Variants in CDH13 observed in about 807,000 individuals in gnomAD.
CDH13 encodes the protein cadherin-13.
Under a neutral mutation model 63.8 loss-of-function variants are expected in CDH13, and 24 were observed. That is an observed-to-expected ratio of 0.38 (90% confidence interval 0.27 to 0.53). The LOEUF (loss-of-function observed/expected upper bound fraction) is 0.53, where lower values mean the gene tolerates loss of function less well. CDH13 is among the 20% of genes least tolerant of loss of function. The pLI is 0.85. For synonymous variants in CDH13, 503 were observed against 355.3 expected, an observed-to-expected ratio of 1.42 and a Z score of -4.67; for missense variants, 1,049 against 903.1, an observed-to-expected ratio of 1.16 and a Z score of -2.07.
chr16:82,842,141 C>CAT (rs1170008694), intron 1 of CDH13, among the ~76,000 whole-genome samples: 2 of 62,336 alleles, frequency 3.2e-5, no homozygotes, highest in African/African-American at 1.0e-4. Flanking sequence ...TATATATACA[C>CAT]ATATATATAT....
At chr16:83,520,243 T>G (rs1184347301) in intron 7 of CDH13, among the ~76,000 whole-genome samples, 1 of 152,150 alleles carries the variant, frequency 6.6e-6, no homozygotes, top group African/African-American at 2.4e-5. Flanking sequence ...AGGCTCTAAG[T>G]GGAGCAAAAG....
chr16:83,637,271 C>G (rs1304626944), intron 8 of CDH13, among the ~76,000 whole-genome samples: 2 of 103,438 alleles, frequency 1.9e-5, no homozygotes, highest in Non-Finnish European at 3.8e-5. Context: ...CCAAGATGGC[C>G]GAATAGGAAC....
Position 82,858,353 on chromosome 16 carries a change from T to A in CDH13, c.46-9T>A, listed in dbSNP as rs568704225. The A allele has an allele frequency of 3.1e-6, 5 of 1,598,042 alleles. No individual in the cohort carries two copies. The African/African-American group carries it at 5.4e-5, about 17-fold the overall frequency. ...GCTATTAAAATATTGATGGCTTTGG[T>A]TTTCTCAGGTGCTGCTGCTAACATC... On this transcript the variant is annotated splice_polypyrimidine_tract_variant and intron_variant, in intron 1 of 13. Coordinates refer to ENST00000567109, the MANE Select transcript of CDH13 (RefSeq NM_001257.5).
intron 8 of CDH13, chr16:83,654,784 A>T (rs906413154): frequency 6.6e-6 from 1 of 152,166 alleles, no homozygotes; most frequent in African/African-American, 2.4e-5. Context: ...CTACGGGTTA[A>T]TGGATGCTGC....
chr16:83,685,369 T>G (rs1017459544), intron 10 of CDH13, among the ~76,000 whole-genome samples: 1 of 152,090 alleles, frequency 6.6e-6, no homozygotes, highest in African/African-American at 2.4e-5. Flanking sequence ...CAGGGTACAT[T>G]TTAAAAGGGA....
intron 5 of CDH13, among the ~76,000 whole-genome samples, chr16:83,273,737 C>A (rs78928141): frequency 6.6e-6 from 1 of 152,012 alleles, no homozygotes. Flanking sequence ...TTGTGGTTTC[C>A]GTGGGAGGGG....
chr16:82,781,875 G>A (rs1217242408), intron 1 of CDH13, among the ~76,000 whole-genome samples: 1 of 152,300 alleles, frequency 6.6e-6, no homozygotes, highest in East Asian at 1.9e-4. Context: ...ACAACAGTGT[G>A]CTCAGTGCAC....
chr16:83,329,772 A>G (rs527445375), intron 5 of CDH13, among the ~76,000 whole-genome samples: 5 of 152,306 alleles, frequency 3.3e-5, no homozygotes, highest in African/African-American at 1.2e-4. Flanking sequence ...GGAATCACAC[A>G]GTATTTGTCT....
In CDH13 at chr16:83,364,754, G is replaced by T. The variant is rs74034198; in HGVS notation, c.781+19748G>T. ...ACAGAAACAATGGGAAGAGAGTGTG[G>T]GTTGGAGGAGGCAGACAGAAGGAAG... On this transcript the variant is annotated intron_variant, in intron 6 of 13. Coordinates refer to ENST00000567109, the MANE Select transcript of CDH13 (RefSeq NM_001257.5). Among the ~76,000 whole-genome samples the T allele has an allele frequency of 8.8e-3, 1,340 of 152,236 alleles. 20 individuals carry two copies. Among genetic ancestry groups the T allele is most frequent in the African/African-American group, 0.031 (1,291 of 41,534 alleles).
At chr16:82,748,733 C>T (rs2034287279) in intron 1 of CDH13, among the ~76,000 whole-genome samples, 1 of 152,108 alleles carries the variant, frequency 6.6e-6, no homozygotes. Flanking sequence ...ACGTAGAAGC[C>T]CAAGAGTACT....
At chr16:83,314,226 CTCT>C (rs1038736086) in intron 5 of CDH13, among the ~76,000 whole-genome samples, 21 of 152,094 alleles carry the variant, frequency 1.4e-4, no homozygotes, top group African/African-American at 3.1e-4. Flanking sequence ...AATATCTTCT[CTCT>C]TCTTCTTCTT....
chr16:82,725,210 TG>T (rs2033026793), intron 1 of CDH13, among the ~76,000 whole-genome samples: 2 of 100,996 alleles, frequency 2.0e-5, no homozygotes, highest in African/African-American at 7.0e-5. Context: ...AATGTTTTCC[TG>T]CTGTTTCCCT....
chr16:83,580,769 G>C (rs1905519211), intron 7 of CDH13, among the ~76,000 whole-genome samples: 1 of 152,042 alleles, frequency 6.6e-6, no homozygotes, highest in African/African-American at 2.4e-5. Flanking sequence ...TGGTATTACA[G>C]GCCTGCACCA....
intron 5 of CDH13, among the ~76,000 whole-genome samples, chr16:83,343,004 A>G (rs534473106): frequency 6.6e-6 from 1 of 151,980 alleles, no homozygotes. Flanking sequence ...CTTAAAAAAA[A>G]CATAAAAGTA....
rs117464844 is a variant in CDH13, at chr16:82,754,171, A to C, written c.46-104191A>C. On this transcript the variant is annotated intron_variant, in intron 1 of 13. Coordinates refer to ENST00000567109, the MANE Select transcript of CDH13 (RefSeq NM_001257.5). ...ATTAAACTTAGTGTACAGTAACTCT[A>C]ATGCCTGATATTTGATTTGCATTAA... Among the ~76,000 whole-genome samples, 636 of 152,290 alleles carry C rather than the reference A, an allele frequency of 4.2e-3. 17 individuals are homozygous for C. The East Asian group carries it at 0.062, about 15-fold the overall frequency.
At chr16:82,900,236 A>T (rs2041416910) in intron 2 of CDH13, among the ~76,000 whole-genome samples, 1 of 152,202 alleles carries the variant, frequency 6.6e-6, no homozygotes, top group South Asian at 2.1e-4. Flanking sequence ...TGCCTGTCCC[A>T]AGTATAGCTG....
chr16:82,653,982 G>A (rs1041685461), intron 1 of CDH13, among the ~76,000 whole-genome samples: 20 of 152,110 alleles, frequency 1.3e-4, no homozygotes, highest in Admixed American at 3.3e-4. Context: ...GGAGGGACAG[G>A]GAGAAATCAG....
chr16:83,162,014 A>G (rs1011775748), intron 4 of CDH13, among the ~76,000 whole-genome samples: 1 of 152,230 alleles, frequency 6.6e-6, no homozygotes, highest in Non-Finnish European at 1.5e-5. Flanking sequence ...CTAATTCAGA[A>G]GTAAGTAAAG....
chr16:82,745,191 A>G (rs529937545), intron 1 of CDH13, among the ~76,000 whole-genome samples: 1 of 152,302 alleles, frequency 6.6e-6, no homozygotes, highest in South Asian at 2.1e-4. Flanking sequence ...ACTCAGGCTG[A>G]CTTGGAGTTG....
Sources: allele counts gnomAD v4.1 joint callset (sites outside exome capture counted in the v4.1 genomes callset), GRCh38; gene constraint gnomAD v4.1.1; transcripts MANE v1.5; gene names NCBI Gene and HGNC (gene_info 2026-07-23, HGNC 2026-07-21).